The following MACROD2 variants were observed in gnomAD, a reference collection of about 807,000 sequenced individuals.
MACROD2 encodes mono-ADP ribosylhydrolase 2.
MACROD2 carries 36 observed loss-of-function variants against 70.4 expected under a neutral mutation model. That is an observed-to-expected ratio of 0.51 (90% CI 0.39 to 0.68). The LOEUF is 0.68. Ranked by LOEUF, MACROD2 falls within the 30% of genes least tolerant of loss-of-function variation. The probability of loss-of-function intolerance (pLI) is 0.00; values close to 1 mark genes in which losing one functional copy is unlikely to be tolerated. For missense variants in MACROD2, 496 were observed against 538.4 expected, an observed-to-expected ratio of 0.92 and a Z score of 0.78; for synonymous variants, 172 against 178.8, an observed-to-expected ratio of 0.96 and a Z score of 0.30.
Position 15,431,036 on chromosome 20 carries a change from T to C in MACROD2, c.541-369T>C, listed in dbSNP as rs1323572852. ...ACAGACACACATAATCTCAAGAGCA[T>C]AGGTAATAGTCAAATGTGCAAAGTA... On this transcript the variant is annotated intron_variant, in intron 6 of 17. Coordinates refer to ENST00000684519, the MANE Select transcript of MACROD2 (RefSeq NM_001351661.2). Among the ~76,000 whole-genome samples, 5 of 152,158 alleles carry C rather than the reference T, an allele frequency of 3.3e-5. No homozygotes were observed. The East Asian group carries it at 5.8e-4, about 18-fold the overall frequency.
chr20:14,539,492 T>C (rs1482221222), intron 4 of MACROD2, among the ~76,000 whole-genome samples: 1 of 152,038 alleles, frequency 6.6e-6, no homozygotes, highest in African/African-American at 2.4e-5. Flanking sequence ...GATTTGACCA[T>C]TTAGGGAAGG....
At chr20:14,259,887 G>A (rs978031169) in intron 3 of MACROD2, among the ~76,000 whole-genome samples, 1 of 152,182 alleles carries the variant, frequency 6.6e-6, no homozygotes, top group East Asian at 1.9e-4. Context: ...GAATCAATCA[G>A]TTGTTACAGA....
chr20:14,572,196 A>T (rs1980239519), intron 4 of MACROD2, among the ~76,000 whole-genome samples: 1 of 152,150 alleles, frequency 6.6e-6, no homozygotes. Context: ...GGCCAATCAT[A>T]TATGGATTTC....
At chr20:14,540,337 A>G (rs934501252) in intron 4 of MACROD2, among the ~76,000 whole-genome samples, 2 of 152,172 alleles carry the variant, frequency 1.3e-5, no homozygotes, top group Non-Finnish European at 2.9e-5. Flanking sequence ...CAAGGCAAGA[A>G]GCAGTAGCAG....
chr20:14,469,918 G>A (rs1600273220), intron 3 of MACROD2, among the ~76,000 whole-genome samples: 1 of 151,966 alleles, frequency 6.6e-6, no homozygotes, highest in African/African-American at 2.4e-5. Context: ...ACCCTCTGAA[G>A]CCTACTTCTG....
intron 5 of MACROD2, among the ~76,000 whole-genome samples, chr20:14,717,391 A>G (rs967220588): frequency 6.6e-6 from 1 of 152,166 alleles, no homozygotes; most frequent in Admixed American, 6.5e-5. Flanking sequence ...ATATTAATGA[A>G]CTTTTAAATA....
chr20:16,020,352 C>T (rs2066984639), intron 15 of MACROD2, among the ~76,000 whole-genome samples: 2 of 151,972 alleles, frequency 1.3e-5, no homozygotes, highest in South Asian at 2.1e-4. Context: ...CTTCAGGGCT[C>T]AGCCGGATGT....
intron 6 of MACROD2, among the ~76,000 whole-genome samples, chr20:15,263,221 G>T (rs948062711): frequency 1.3e-5 from 2 of 151,824 alleles, no homozygotes; most frequent in Non-Finnish European, 2.9e-5. Flanking sequence ...TTTTGTTTAC[G>T]GTGAGAGATA....
At chr20:15,803,841 TA>T in intron 8 of MACROD2, among the ~76,000 whole-genome samples, 1 of 152,060 alleles carries the variant, frequency 6.6e-6, no homozygotes, top group Non-Finnish European at 1.5e-5. Flanking sequence ...AAAACAACAA[TA>T]AAAACAATAA....
intron 5 of MACROD2, among the ~76,000 whole-genome samples, chr20:14,717,659 C>A (rs2071412131): frequency 6.6e-6 from 1 of 151,696 alleles, no homozygotes; most frequent in African/African-American, 2.4e-5. Flanking sequence ...TTAACGTGAC[C>A]AATAAGGTGA....
chr20:14,200,769 A>C (rs1317535461), intron 3 of MACROD2, among the ~76,000 whole-genome samples: 1 of 152,174 alleles, frequency 6.6e-6, no homozygotes, highest in Non-Finnish European at 1.5e-5. Flanking sequence ...CTAATGTGAC[A>C]GCTAAACATG....
At chr20:14,723,749 T>A (rs2071496639) in intron 5 of MACROD2, among the ~76,000 whole-genome samples, 1 of 152,004 alleles carries the variant, frequency 6.6e-6, no homozygotes, top group African/African-American at 2.4e-5. Flanking sequence ...ATTATGTATC[T>A]GGTCATATCC....
At chr20:14,778,308 G>A (rs1369818270) in intron 5 of MACROD2, among the ~76,000 whole-genome samples, 1 of 152,100 alleles carries the variant, frequency 6.6e-6, no homozygotes, top group African/African-American at 2.4e-5. Flanking sequence ...CTGTCCGGTA[G>A]GAGCAGCTGA....
chr20:14,411,898 C>T (rs1448433744), intron 3 of MACROD2, among the ~76,000 whole-genome samples: 1 of 152,098 alleles, frequency 6.6e-6, no homozygotes, highest in African/African-American at 2.4e-5. Context: ...AGACACCACT[C>T]TCTTAAAACC....
intron 3 of MACROD2, among the ~76,000 whole-genome samples, chr20:14,235,788 T>TCC (rs953933384): frequency 2.0e-5 from 3 of 152,154 alleles, no homozygotes; most frequent in Non-Finnish European, 2.9e-5. Context: ...ACATTCGCAC[T>TCC]CCATTTTGGT....
At chr20:16,028,385 A>ATTT (rs11483358) in intron 15 of MACROD2, among the ~76,000 whole-genome samples, 47,870 of 146,276 alleles carry the variant, frequency 0.33, 8,109 homozygotes, top group South Asian at 0.41. Flanking sequence ...CCTGGTGGAC[A>ATTT]TTTTTTTTTT....
intron 4 of MACROD2, among the ~76,000 whole-genome samples, chr20:14,604,361 A>T (rs1011920674): frequency 6.6e-5 from 10 of 152,210 alleles, no homozygotes. Flanking sequence ...ACCATAGCTA[A>T]TATTTATTCA....
intron 5 of MACROD2, among the ~76,000 whole-genome samples, chr20:14,782,972 T>G (rs1431310920): frequency 2.0e-5 from 3 of 152,122 alleles, no homozygotes; most frequent in Admixed American, 2.0e-4. Flanking sequence ...CTTCAGCTTC[T>G]GAATGCTGTT....
At chr20:15,295,704 C>A (rs960758086) in intron 6 of MACROD2, among the ~76,000 whole-genome samples, 1 of 152,034 alleles carries the variant, frequency 6.6e-6, no homozygotes, top group African/African-American at 2.4e-5. Flanking sequence ...CTCACACCCC[C>A]CAACTCACCA....
Sources: gnomAD v4.1 joint callset for allele counts (sites outside exome capture counted in the v4.1 genomes callset) on GRCh38, gnomAD v4.1.1 for gene constraint, MANE v1.5 for transcripts, NCBI Gene and HGNC (gene_info 2026-07-23, HGNC 2026-07-21) for gene names.